Variants in MAF observed in about 807,000 individuals in gnomAD.
MAF encodes transcription factor Maf.
In MAF, 10 loss-of-function variants were observed where a neutral mutation model predicts 22.0. That is an observed-to-expected ratio of 0.45 (90% CI 0.28 to 0.77). The LOEUF (loss-of-function observed/expected upper bound fraction) is 0.77. Among genes scored for constraint, MAF ranks in the 30% least tolerant of loss-of-function variants. The pLI is 0.12. For synonymous variants in MAF, 337 were observed against 255.8 expected, an observed-to-expected ratio of 1.32 and a Z score of -3.03; for missense variants, 544 against 548.4, an observed-to-expected ratio of 0.99 and a Z score of 0.08.
the MAF span, among the ~76,000 whole-genome samples, chr16:79,535,471 T>A: frequency 6.6e-6 from 1 of 151,326 alleles, no homozygotes; most frequent in African/African-American, 2.4e-5. Flanking sequence ...TGTGAAAATA[T>A]CTTTGGATCC....
chr16:79,464,188 T>C, the MAF span, among the ~76,000 whole-genome samples: 1 of 152,108 alleles, frequency 6.6e-6, no homozygotes. Flanking sequence ...AATTTAAACA[T>C]TAATTTTGGA....
chr16:79,297,216 T>A, the MAF span, among the ~76,000 whole-genome samples: 3 of 152,288 alleles, frequency 2.0e-5, no homozygotes, highest in Middle Eastern at 0.01. Context: ...GGGGATCCAA[T>A]GAGACAACAT....
chr16:79,354,778 C>T, the MAF span, among the ~76,000 whole-genome samples: 1 of 152,210 alleles, frequency 6.6e-6, no homozygotes, highest in African/African-American at 2.4e-5. Context: ...CATCCTGGAG[C>T]CCAGAACCAT....
the MAF span, among the ~76,000 whole-genome samples, chr16:79,215,910 G>A: frequency 1.8e-4 from 27 of 152,104 alleles, no homozygotes; most frequent in Non-Finnish European, 3.7e-4. Flanking sequence ...AGTAGCGATT[G>A]CCCCCTCATG....
chr16:79,492,722 A>T, the MAF span, among the ~76,000 whole-genome samples: 5 of 152,224 alleles, frequency 3.3e-5, no homozygotes, highest in Non-Finnish European at 5.9e-5. Context: ...TATATGCAAC[A>T]TGCAGCGAAT....
At chr16:79,477,329 A>G in the MAF span, among the ~76,000 whole-genome samples, 2 of 152,164 alleles carry the variant, frequency 1.3e-5, no homozygotes, top group Non-Finnish European at 2.9e-5. Context: ...AGATTTGCTG[A>G]ACAGAGAAAT....
the MAF span, among the ~76,000 whole-genome samples, chr16:79,390,010 TA>T: frequency 3.3e-4 from 39 of 118,136 alleles, no homozygotes; most frequent in East Asian, 5.6e-3. Flanking sequence ...AAAATTAAAA[TA>T]AAAAAAAATC....
At chr16:79,404,155 C>G in the MAF span, among the ~76,000 whole-genome samples, 1 of 142,136 alleles carries the variant, frequency 7.0e-6, no homozygotes, top group South Asian at 2.3e-4. Flanking sequence ...ATTTTACCGT[C>G]TGGATTTTCT....
chr16:79,572,085 C>G, the MAF span, among the ~76,000 whole-genome samples: 7 of 152,200 alleles, frequency 4.6e-5, no homozygotes, highest in Non-Finnish European at 8.8e-5. Context: ...GGGGATTCCA[C>G]CTCTAAGCTG....
chr16:79,423,042 C>T, the MAF span, among the ~76,000 whole-genome samples: 2 of 152,086 alleles, frequency 1.3e-5, no homozygotes, highest in Non-Finnish European at 2.9e-5. Context: ...AAGCAAGAAG[C>T]AGCCAGCCAG....
the MAF span, among the ~76,000 whole-genome samples, chr16:79,547,952 G>A: frequency 2.6e-5 from 4 of 151,924 alleles, no homozygotes; most frequent in African/African-American, 7.3e-5. Context: ...GAATAGCATC[G>A]ATGGTATAGG....
the MAF span, among the ~76,000 whole-genome samples, chr16:79,258,060 T>G: frequency 6.6e-6 from 1 of 152,188 alleles, no homozygotes; most frequent in Non-Finnish European, 1.5e-5. Flanking sequence ...ACATCGCGTC[T>G]CAGCTGCTTT....
chr16:79,450,956 C>T, the MAF span, among the ~76,000 whole-genome samples: 325 of 151,692 alleles, frequency 2.1e-3, 4 homozygotes, highest in African/African-American at 7.3e-3. Context: ...CCTTTTTTCA[C>T]GGTAATGTTC....
chr16:79,314,727 A>T, the MAF span, among the ~76,000 whole-genome samples: 1 of 152,152 alleles, frequency 6.6e-6, no homozygotes, highest in African/African-American at 2.4e-5. Flanking sequence ...TCATTGCTTA[A>T]GGGCCTCTAG....
chr16:79,571,461 C>T, the MAF span, among the ~76,000 whole-genome samples: 65 of 151,746 alleles, frequency 4.3e-4, no homozygotes, highest in African/African-American at 1.5e-3. Flanking sequence ...TGGTCATTTC[C>T]ACCACTCCAT....
At chr16:79,420,925 T>G in the MAF span, among the ~76,000 whole-genome samples, 10 of 152,084 alleles carry the variant, frequency 6.6e-5, no homozygotes, top group Admixed American at 2.0e-4. Context: ...TCCCAGCTAC[T>G]TGGGAGGCTG....
chr16:79,526,711 A>G, the MAF span, among the ~76,000 whole-genome samples: 1 of 152,200 alleles, frequency 6.6e-6, no homozygotes, highest in Non-Finnish European at 1.5e-5. Context: ...GGTAACCCTG[A>G]TCCGTAGCAT....
the MAF span, among the ~76,000 whole-genome samples, chr16:79,325,594 CACAA>C: frequency 4.5e-5 from 6 of 133,938 alleles, no homozygotes; most frequent in African/African-American, 2.0e-4. Context: ...GATACCCAGA[CACAA>C]ACACACACAC....
At chr16:79,260,805 G>T in the MAF span, among the ~76,000 whole-genome samples, 1 of 151,874 alleles carries the variant, frequency 6.6e-6, no homozygotes, top group African/African-American at 2.4e-5. Context: ...TGACTTCATA[G>T]ATGTTATTGC....
Sources: allele counts gnomAD v4.1 joint callset (sites outside exome capture counted in the v4.1 genomes callset), GRCh38; gene constraint gnomAD v4.1.1; transcripts MANE v1.5; gene names NCBI Gene and HGNC (gene_info 2026-07-23, HGNC 2026-07-21).